MAP4K3: variants seen among roughly 807,000 people sequenced by gnomAD.
The protein encoded by MAP4K3 is MAPK/ERK kinase kinase kinase 3.
A neutral mutation model predicts 143.5 loss-of-function variants in MAP4K3; 94 were observed. The observed-to-expected ratio is 0.65, with a 90% confidence interval of 0.55 to 0.78. MAP4K3 has a LOEUF of 0.78. Ranked by LOEUF, MAP4K3 falls within the 30% of genes least tolerant of loss-of-function variation. The pLI is 0.00. For missense variants in MAP4K3, 1,077 were observed against 1,068.1 expected (o/e 1.01, Z -0.12); for synonymous variants, 416 against 347.2 (o/e 1.20, Z -2.20).
intron 1 of MAP4K3, among the ~76,000 whole-genome samples, chr2:39,401,103 A>T (rs935066625): frequency 6.6e-6 from 1 of 152,152 alleles, no homozygotes; most frequent in Non-Finnish European, 1.5e-5. Context: ...ACCCAGATGG[A>T]GCCTGATGGT....
At chr2:39,285,993 G>A in intron 21 of MAP4K3, among the ~76,000 whole-genome samples, 1 of 152,144 alleles carries the variant, frequency 6.6e-6, no homozygotes, top group East Asian at 1.9e-4. Context: ...GATAGGAGTA[G>A]CTGCTAAGAC....
At chr2:39,331,437 GCAGA>G (rs1189448386) in intron 8 of MAP4K3, among the ~76,000 whole-genome samples, 1 of 152,068 alleles carries the variant, frequency 6.6e-6, no homozygotes, top group Non-Finnish European at 1.5e-5. Context: ...GGCTAATGAA[GCAGA>G]CAGAGGCCAG....
intron 3 of MAP4K3, among the ~76,000 whole-genome samples, chr2:39,354,338 G>C (rs1046773563): frequency 1.1e-4 from 16 of 152,194 alleles, no homozygotes; most frequent in African/African-American, 3.9e-4. Context: ...CAGCTACTCG[G>C]AAGGTGAGGC....
Position 39,331,955 on chromosome 2 carries a change from T to C in MAP4K3, c.492A>G (p.Thr164=). The C allele has an allele frequency of 6.3e-7, 1 of 1,575,248 alleles. No homozygotes were observed. Among genetic ancestry groups the C allele is most frequent in the Non-Finnish European group, 8.7e-7 (1 of 1,154,974 alleles). Residue 164 remains threonine, a synonymous_variant, in exon 8 of 34, where the codon ACA becomes ACG. Transcript: ENST00000263881. The stretch of plus-strand genomic sequence containing the variant: ...CAATGAAAGACTTCCGTTTGGCAAT[T>C]GTAGCTGTTATCTGTGCAGATACTC... ...DFGVSAQITA[T]IAKRKSFIGT...
chr2:39,286,181 T>C (rs571791380), intron 21 of MAP4K3, among the ~76,000 whole-genome samples: 56 of 152,336 alleles, frequency 3.7e-4, no homozygotes, highest in African/African-American at 1.3e-3. Context: ...CCACCTCAGA[T>C]AATCAGGCAT....
intron 1 of MAP4K3, among the ~76,000 whole-genome samples, chr2:39,407,692 C>T (rs565051758): frequency 6.6e-6 from 1 of 152,258 alleles, no homozygotes; most frequent in South Asian, 2.1e-4. Context: ...TCATCTCAGC[C>T]TCCTGAGATG....
chr2:39,378,652 T>A (rs1349474081), intron 1 of MAP4K3, among the ~76,000 whole-genome samples: 1 of 152,130 alleles, frequency 6.6e-6, no homozygotes, highest in East Asian at 1.9e-4. Flanking sequence ...CTTTAGGATA[T>A]GAAAGGCTAA....
At chr2:39,333,015 T>G (rs1393264062) in intron 7 of MAP4K3, among the ~76,000 whole-genome samples, 1 of 152,150 alleles carries the variant, frequency 6.6e-6, no homozygotes, top group Non-Finnish European at 1.5e-5. Flanking sequence ...ATTAAGTCAT[T>G]ATTTAGGTTT....
chr2:39,437,039 C>T lies in MAP4K3; in HGVS notation c.-52G>A. On this transcript the variant is annotated 5_prime_UTR_variant, in exon 1 of 34. Coordinates refer to ENST00000263881, the MANE Select transcript of MAP4K3 (RefSeq NM_003618.4). Reference sequence around the variant, plus strand: ...CCTCCCGGGCAGGGGAGGGGGGCCGCTCAGGGGGCCACACGGAGAGAGGGC... The same window carrying T: ...CCTCCCGGGCAGGGGAGGGGGGCCGTTCAGGGGGCCACACGGAGAGAGGGC... 2 of 1,422,280 alleles carry T rather than the reference C, an allele frequency of 1.4e-6. No individual in the cohort carries two copies. The highest frequency in any genetic ancestry group is 1.9e-6 in the Non-Finnish European group (2 of 1,029,518). The allele number at this position is 1,422,280 out of a possible 1,614,324, so 88.1% of individuals were successfully genotyped here.
In MAP4K3 at chr2:39,260,603, A is replaced by G; in HGVS notation, c.2308+3T>C. 6.2e-7 allele frequency: 1 copy of G among 1,613,500 alleles called. No individual in the cohort carries two copies. Among genetic ancestry groups the G allele is most frequent in the Non-Finnish European group, 8.5e-7 (1 of 1,179,682 alleles). ...CCTTAATAATTCCATAAAAATTACAAACCTGATTCTGTAAACCATGAAGAG... is the reference window on the plus strand; with the variant it reads ...CCTTAATAATTCCATAAAAATTACAGACCTGATTCTGTAAACCATGAAGAG... On this transcript the variant is annotated splice_donor_region_variant and intron_variant, in intron 29 of 33. Transcript: ENST00000263881.
At chr2:39,359,772 G>A (rs1665714357) in intron 2 of MAP4K3, among the ~76,000 whole-genome samples, 1 of 152,252 alleles carries the variant, frequency 6.6e-6, no homozygotes, top group Non-Finnish European at 1.5e-5. Context: ...TGCACCCTCT[G>A]AGGCAATGGC....
At chr2:39,318,977 G>T (rs72925254) in intron 12 of MAP4K3, among the ~76,000 whole-genome samples, 265 of 152,124 alleles carry the variant, frequency 1.7e-3, no homozygotes, top group African/African-American at 6.2e-3. Context: ...CAATATCTGG[G>T]GACATTTTTT....
At chr2:39,408,064 C>T (rs528741733) in intron 1 of MAP4K3, among the ~76,000 whole-genome samples, 1 of 152,168 alleles carries the variant, frequency 6.6e-6, no homozygotes, top group East Asian at 1.9e-4. Context: ...GCTTTTAACC[C>T]TTGAGCCTTA....
intron 6 of MAP4K3, 54 bp from the exon 7 acceptor site, chr2:39,333,628 G>A: frequency 1.1e-6 from 1 of 951,518 alleles, no homozygotes; most frequent in South Asian, 1.5e-5. Flanking sequence ...TTATCAGACA[G>A]CACATATATA....
At chr2:39,350,325 T>C (rs755149586) in intron 3 of MAP4K3, among the ~76,000 whole-genome samples, 2 of 152,206 alleles carry the variant, frequency 1.3e-5, no homozygotes, top group African/African-American at 4.8e-5. Context: ...CGCACCAATG[T>C]TAATATCGTA....
intron 1 of MAP4K3, among the ~76,000 whole-genome samples, chr2:39,391,358 C>CAAAAAAAAAAAAAAAAAAAA (rs755777714): frequency 2.2e-5 from 1 of 45,430 alleles, no homozygotes; most frequent in Non-Finnish European, 3.8e-5. Context: ...GACTCCATCT[C>CAAAAAAAAAAAAAAAAAAAA]AAAAAAAAAA....
chr2:39,430,517 G>C (rs1241403058), intron 1 of MAP4K3, among the ~76,000 whole-genome samples: 1 of 151,820 alleles, frequency 6.6e-6, no homozygotes, highest in Non-Finnish European at 1.5e-5. Context: ...AAGGTGGTAT[G>C]AAAAAATAAA....
In MAP4K3 at chr2:39,286,973, A is replaced by C. The variant is rs1302184787; in HGVS notation, c.1475-9T>G. 1 of 1,523,174 alleles carries C rather than the reference A, an allele frequency of 6.6e-7. No homozygotes were observed. The highest frequency in any genetic ancestry group is 9.0e-7 in the Non-Finnish European group (1 of 1,114,134). 94.4% of individuals were successfully genotyped at this position (1,523,174 alleles called of 1,614,324 possible). On this transcript the variant is annotated splice_polypyrimidine_tract_variant and intron_variant, in intron 20 of 33. Transcript: ENST00000263881. ...GGAGCTCATTCCATTTCCTTCAATA[A>C]GATATATTCATTGAAAATGATTAAT...
chr2:39,416,002 T>TATATATATATATAA (rs1553318623), intron 1 of MAP4K3, among the ~76,000 whole-genome samples: 5 of 91,140 alleles, frequency 5.5e-5, no homozygotes, highest in African/African-American at 2.3e-4. Context: ...TATATATATA[T>TATATATATATATAA]ATAAAAATAA....
Sources: allele counts gnomAD v4.1 joint callset (sites outside exome capture counted in the v4.1 genomes callset), GRCh38; gene constraint gnomAD v4.1.1; transcripts MANE v1.5; gene names NCBI Gene and HGNC (gene_info 2026-07-23, HGNC 2026-07-21).